The following FGF14 variants were observed in gnomAD, a reference collection of about 807,000 sequenced individuals.
FGF14 encodes fibroblast growth factor 14.
A neutral mutation model predicts 25.5 loss-of-function variants in FGF14; 5 were observed. The ratio of observed to expected loss-of-function variants is 0.20; its 90% CI spans 0.10 to 0.41. The LOEUF (loss-of-function observed/expected upper bound fraction) is 0.41. Among genes scored for constraint, FGF14 ranks in the 10% least tolerant of loss-of-function variants. The probability of loss-of-function intolerance (pLI) is 1.00; values close to 1 mark genes in which losing one functional copy is unlikely to be tolerated. For synonymous variants in FGF14, 138 were observed against 118.3 expected (o/e 1.17, Z -1.08); for missense variants, 222 against 320.1 (o/e 0.69, Z 2.34).
intron 1 of FGF14, among the ~76,000 whole-genome samples, chr13:102,098,634 T>C (rs1460076955): frequency 6.6e-6 from 1 of 152,176 alleles, no homozygotes; most frequent in Non-Finnish European, 1.5e-5. Flanking sequence ...GAGGTTAAAA[T>C]GTTATTAGAA....
At chr13:102,276,316 C>T (rs1412224947) in intron 1 of FGF14, among the ~76,000 whole-genome samples, 2 of 123,458 alleles carry the variant, frequency 1.6e-5, no homozygotes, top group East Asian at 2.5e-4. Context: ...CACACACACA[C>T]ACACACACAC....
At chr13:102,259,593 T>G (rs1047516685) in intron 1 of FGF14, among the ~76,000 whole-genome samples, 2 of 152,190 alleles carry the variant, frequency 1.3e-5, no homozygotes, top group African/African-American at 4.8e-5. Context: ...TTATCGACCC[T>G]GTGGGAGCCC....
intron 1 of FGF14, among the ~76,000 whole-genome samples, chr13:102,193,290 A>C (rs2049202493): frequency 6.6e-6 from 1 of 152,176 alleles, no homozygotes; most frequent in Non-Finnish European, 1.5e-5. Context: ...TGGAATGAGA[A>C]GCAAGCTCTC....
chr13:101,955,417 G>A (rs1299700450), intron 1 of FGF14, among the ~76,000 whole-genome samples: 1 of 152,184 alleles, frequency 6.6e-6, no homozygotes, highest in Non-Finnish European at 1.5e-5. Flanking sequence ...CTGGTTTCTT[G>A]TGAAAGTACA....
chr13:101,914,266 C>A, intron 1 of FGF14, among the ~76,000 whole-genome samples: 1 of 151,212 alleles, frequency 6.6e-6, no homozygotes, highest in Middle Eastern at 3.6e-3. Context: ...ATTTACATAA[C>A]ATAAAGTCTT....
intron 1 of FGF14, among the ~76,000 whole-genome samples, chr13:102,123,519 A>G (rs1251833390): frequency 6.6e-6 from 1 of 152,158 alleles, no homozygotes; most frequent in East Asian, 1.9e-4. Flanking sequence ...AGGGGTGGAC[A>G]AAAAAGAAAT....
At chr13:101,813,301 G>A (rs6491645) in intron 3 of FGF14, among the ~76,000 whole-genome samples, 132,111 of 152,116 alleles carry the variant, frequency 0.87, 57,571 homozygotes, top group Non-Finnish European at 0.91. Flanking sequence ...CAATGTGATA[G>A]TTTTAAAAGG....
At chr13:102,094,562 A>G (rs1308732855) in intron 1 of FGF14, among the ~76,000 whole-genome samples, 1 of 152,192 alleles carries the variant, frequency 6.6e-6, no homozygotes, top group Non-Finnish European at 1.5e-5. Context: ...AAGCACTAGG[A>G]TACAAGGAAG....
chr13:101,968,884 T>A (rs2037412952), intron 1 of FGF14, among the ~76,000 whole-genome samples: 1 of 146,658 alleles, frequency 6.8e-6, no homozygotes, highest in South Asian at 2.2e-4. Flanking sequence ...AATCTGGGCA[T>A]TGTTTGAGTT....
intron 1 of FGF14, among the ~76,000 whole-genome samples, chr13:102,383,213 T>A (rs12869689): frequency 7.4e-6 from 1 of 136,044 alleles, no homozygotes; most frequent in East Asian, 2.0e-4. Flanking sequence ...TTATTTTAGA[T>A]TTCTTACATA....
chr13:101,742,331 T>C (rs1259842869), intron 3 of FGF14, among the ~76,000 whole-genome samples: 4 of 152,046 alleles, frequency 2.6e-5, no homozygotes, highest in Non-Finnish European at 5.9e-5. Flanking sequence ...TAAAAATAAA[T>C]GAATGCTGTT....
At chr13:102,356,948 T>TATATATATATATATAC (rs1262647370) in intron 1 of FGF14, among the ~76,000 whole-genome samples, 3 of 148,432 alleles carry the variant, frequency 2.0e-5, no homozygotes, top group African/African-American at 7.5e-5. Flanking sequence ...TATATATATA[T>TATATATATATATATAC]ACACACAAAC....
intron 1 of FGF14, among the ~76,000 whole-genome samples, chr13:102,324,745 T>C (rs1472259261): frequency 1.3e-5 from 2 of 152,356 alleles, no homozygotes; most frequent in East Asian, 1.9e-4. Flanking sequence ...TAAGATAAGA[T>C]GTCTGGCCCA....
At chr13:101,807,231 A>C in intron 3 of FGF14, among the ~76,000 whole-genome samples, 1 of 152,102 alleles carries the variant, frequency 6.6e-6, no homozygotes, top group East Asian at 1.9e-4. Context: ...CATAATCACT[A>C]CTCATTCCCA....
At chr13:102,169,578 A>G (rs552942625) in intron 1 of FGF14, among the ~76,000 whole-genome samples, 1 of 152,290 alleles carries the variant, frequency 6.6e-6, no homozygotes, top group South Asian at 2.1e-4. Context: ...AAAAACAAAT[A>G]ATTCAATTAT....
At chr13:102,244,905 T>C (rs1369111522) in intron 1 of FGF14, among the ~76,000 whole-genome samples, 1 of 152,044 alleles carries the variant, frequency 6.6e-6, no homozygotes, top group East Asian at 1.9e-4. Context: ...GGAAATGATA[T>C]AATTTCACAA....
intron 1 of FGF14, among the ~76,000 whole-genome samples, chr13:102,285,119 T>C (rs2054031715): frequency 6.6e-6 from 1 of 152,190 alleles, no homozygotes; most frequent in Non-Finnish European, 1.5e-5. Context: ...ACACATCTAC[T>C]TATACTTTCC....
intron 1 of FGF14, among the ~76,000 whole-genome samples, chr13:102,004,788 A>T (rs1243748501): frequency 2.6e-5 from 4 of 152,128 alleles, no homozygotes; most frequent in South Asian, 2.1e-4. Flanking sequence ...TGCTGTTCTC[A>T]TGATAGTGAG....
At chr13:101,825,993 G>T in intron 3 of FGF14, among the ~76,000 whole-genome samples, 1 of 152,176 alleles carries the variant, frequency 6.6e-6, no homozygotes, top group East Asian at 1.9e-4. Flanking sequence ...GTTATGCAAT[G>T]TTTTTATCAT....
Sources: gnomAD v4.1 joint callset for allele counts (sites outside exome capture counted in the v4.1 genomes callset) on GRCh38, gnomAD v4.1.1 for gene constraint, MANE v1.5 for transcripts, NCBI Gene and HGNC (gene_info 2026-07-23, HGNC 2026-07-21) for gene names.